RNLS: variants seen among roughly 807,000 people sequenced by gnomAD.
The protein encoded by RNLS is renalase.
Under a neutral mutation model 39.8 loss-of-function variants are expected in RNLS, and 39 were observed. The ratio of observed to expected loss-of-function variants is 0.98; its 90% CI spans 0.76 to 1.28. The LOEUF is 1.28. RNLS is among the 50% of genes most tolerant of loss of function. The pLI is 0.00. For synonymous variants in RNLS, 147 were observed against 150.7 expected (o/e 0.98, Z 0.18); for missense variants, 410 against 413.3 (o/e 0.99, Z 0.07).
chr10:88,449,351 G>C (rs534383147), intron 4 of RNLS, among the ~76,000 whole-genome samples: 13 of 152,274 alleles, frequency 8.5e-5, no homozygotes, highest in African/African-American at 3.1e-4. Flanking sequence ...CATGTATCCA[G>C]ATCCCTGTGG....
intron 4 of RNLS, among the ~76,000 whole-genome samples, chr10:88,380,000 T>C (rs923044940): frequency 8.5e-5 from 13 of 152,264 alleles, no homozygotes; most frequent in African/African-American, 2.9e-4. Context: ...GAGACAAACG[T>C]CTGCATTGTA....
At chr10:88,553,856 G>A (rs1848719995) in intron 4 of RNLS, among the ~76,000 whole-genome samples, 1 of 151,986 alleles carries the variant, frequency 6.6e-6, no homozygotes, top group Non-Finnish European at 1.5e-5. Context: ...ATACTTCAAG[G>A]TAGAAATCAT....
chr10:88,410,593 A>G (rs993200527), intron 4 of RNLS, among the ~76,000 whole-genome samples: 2 of 152,144 alleles, frequency 1.3e-5, no homozygotes, highest in African/African-American at 2.4e-5. Context: ...TAAAACTCCA[A>G]CCTTCCCTGG....
intron 4 of RNLS, among the ~76,000 whole-genome samples, chr10:88,555,990 C>T (rs1848852765): frequency 6.6e-6 from 1 of 152,108 alleles, no homozygotes. Flanking sequence ...GACATTGCTC[C>T]TGAAACCTTC....
At chr10:88,296,470 G>T (rs1427905883) in intron 6 of RNLS, among the ~76,000 whole-genome samples, 4 of 152,074 alleles carry the variant, frequency 2.6e-5, no homozygotes, top group Non-Finnish European at 4.4e-5. Flanking sequence ...TCTCATTCAT[G>T]TTAAATGGAC....
chr10:88,177,547 C>A, the RNLS span, among the ~76,000 whole-genome samples: 1 of 152,224 alleles, frequency 6.6e-6, no homozygotes, highest in South Asian at 2.1e-4. Context: ...TCCTTAAGAT[C>A]ATTGTGTTTC....
chr10:88,517,452 A>G (rs1272719801), intron 4 of RNLS, among the ~76,000 whole-genome samples: 1 of 151,928 alleles, frequency 6.6e-6, no homozygotes, highest in African/African-American at 2.4e-5. Flanking sequence ...GAAATTTTAA[A>G]TGGTTTGAAT....
the RNLS span, among the ~76,000 whole-genome samples, chr10:88,267,714 A>G: frequency 3.9e-5 from 6 of 152,226 alleles, no homozygotes; most frequent in Non-Finnish European, 7.3e-5. Context: ...CAATAAAGTC[A>G]GACCTTCCCA....
intron 3 of RNLS, among the ~76,000 whole-genome samples, chr10:88,578,032 G>T (rs1850313497): frequency 6.6e-6 from 1 of 152,106 alleles, no homozygotes; most frequent in South Asian, 2.1e-4. Flanking sequence ...GAGTATTTTT[G>T]AAAATAGTTG....
intron 5 of RNLS, among the ~76,000 whole-genome samples, chr10:88,317,068 ATTTTTC>A (rs1845816426): frequency 6.6e-6 from 1 of 152,138 alleles, no homozygotes; most frequent in Non-Finnish European, 1.5e-5. Context: ...TAATGATGCT[ATTTTTC>A]TTTTTCTTTT....
intron 4 of RNLS, among the ~76,000 whole-genome samples, chr10:88,548,289 A>AG (rs769088140): frequency 2.5e-5 from 2 of 80,286 alleles, no homozygotes; most frequent in Non-Finnish European, 4.2e-5. Context: ...AAAAAAAAAA[A>AG]AAAAGAAAAG....
chr10:88,556,731 T>A (rs1017150179), intron 4 of RNLS, among the ~76,000 whole-genome samples: 4 of 152,174 alleles, frequency 2.6e-5, no homozygotes, highest in Admixed American at 2.0e-4. Context: ...CCAGAGATTC[T>A]CTTGGTTTAC....
chr10:88,280,537 C>T (rs1842974054), downstream of RNLS, among the ~76,000 whole-genome samples: 1 of 152,006 alleles, frequency 6.6e-6, no homozygotes, highest in South Asian at 2.1e-4. Flanking sequence ...AGGGGTTGAA[C>T]CTAAAACAGG....
chr10:88,207,446 TA>T, the RNLS span, among the ~76,000 whole-genome samples: 1 of 151,998 alleles, frequency 6.6e-6, no homozygotes, highest in African/African-American at 2.4e-5. Flanking sequence ...AACTGACCAT[TA>T]GGGGAATGCA....
downstream of RNLS, among the ~76,000 whole-genome samples, chr10:88,282,668 G>A (rs777504974): frequency 5.9e-5 from 9 of 151,644 alleles, no homozygotes; most frequent in African/African-American, 1.7e-4. Flanking sequence ...CTTCCTCCCC[G>A]CCCTCCCCCC....
intron 4 of RNLS, among the ~76,000 whole-genome samples, chr10:88,534,962 A>G (rs771775293): frequency 6.6e-5 from 10 of 152,154 alleles, no homozygotes; most frequent in Non-Finnish European, 1.5e-4. Flanking sequence ...GAAAAAATCA[A>G]AGCAAAAATG....
At chr10:88,340,585 T>G (rs1331654504) in intron 5 of RNLS, among the ~76,000 whole-genome samples, 1 of 152,182 alleles carries the variant, frequency 6.6e-6, no homozygotes. Context: ...CATTGTTTTA[T>G]GATACTACCT....
chr10:88,231,942 C>CTGTG, the RNLS span, among the ~76,000 whole-genome samples: 667 of 149,760 alleles, frequency 4.5e-3, 7 homozygotes, highest in African/African-American at 0.015. Flanking sequence ...CACAGGATTT[C>CTGTG]TGTGTGTGTG....
chr10:88,460,466 C>T (rs1842885540), intron 4 of RNLS, among the ~76,000 whole-genome samples: 1 of 152,108 alleles, frequency 6.6e-6, no homozygotes, highest in African/African-American at 2.4e-5. Context: ...CCTGAGGTCT[C>T]ATCAACCTCA....
Sources: allele counts gnomAD v4.1 joint callset (sites outside exome capture counted in the v4.1 genomes callset), GRCh38; gene constraint gnomAD v4.1.1; transcripts MANE v1.5; gene names NCBI Gene and HGNC (gene_info 2026-07-23, HGNC 2026-07-21).